The following IL1RAPL1 variants were observed in gnomAD, a reference collection of about 807,000 sequenced individuals.
IL1RAPL1 encodes the protein interleukin-1 receptor accessory protein-like 1.
Under a neutral mutation model 48.4 loss-of-function variants are expected in IL1RAPL1, and 3 were observed. The ratio of observed to expected loss-of-function variants is 0.06; its 90% CI spans 0.03 to 0.16. The LOEUF is 0.16. Among genes scored for constraint, IL1RAPL1 ranks in the 10% least tolerant of loss-of-function variants. IL1RAPL1 has a pLI of 1.00. For missense variants in IL1RAPL1, 349 were observed against 530.6 expected (o/e 0.66, Z 3.36); for synonymous variants, 185 against 187.7 (o/e 0.99, Z 0.12).
chrX:29,432,799 A>C (rs764685035), intron 5 of IL1RAPL1, among the ~76,000 whole-genome samples: 11 of 111,713 alleles, frequency 9.8e-5, no homozygotes, highest in Non-Finnish European at 1.7e-4. Context: ...TTCTACTTTT[A>C]TCATTCATGA....
At chrX:29,662,291 A>G (rs1218679244) in intron 5 of IL1RAPL1, among the ~76,000 whole-genome samples, 2 of 111,601 alleles carry the variant, frequency 1.8e-5, no homozygotes, top group African/African-American at 6.5e-5. Context: ...AGGTTTTGCT[A>G]TGACTCACTT....
At chrX:28,672,750 TA>T (rs1490210195) in intron 1 of IL1RAPL1, among the ~76,000 whole-genome samples, 13 of 111,376 alleles carry the variant, frequency 1.2e-4, no homozygotes, top group Non-Finnish European at 2.1e-4. Flanking sequence ...TTCAATCCTT[TA>T]AAAAAAATAT....
intron 5 of IL1RAPL1, among the ~76,000 whole-genome samples, chrX:29,664,248 C>CA (rs1337199716): frequency 1.8e-5 from 2 of 110,171 alleles, no homozygotes; most frequent in Admixed American, 1.9e-4. Flanking sequence ...ACTAAAAATA[C>CA]AAAAAATTAG....
At chrX:28,888,103 T>C (rs1255270402) in intron 2 of IL1RAPL1, among the ~76,000 whole-genome samples, 1 of 109,822 alleles carries the variant, frequency 9.1e-6, no homozygotes, top group Non-Finnish European at 1.9e-5. Flanking sequence ...AACCTAAGAG[T>C]ATCAGTACTG....
intron 5 of IL1RAPL1, among the ~76,000 whole-genome samples, chrX:29,542,723 T>C (rs1232930003): frequency 8.9e-6 from 1 of 112,185 alleles, no homozygotes; most frequent in Non-Finnish European, 1.9e-5. Flanking sequence ...ATAAACAGTG[T>C]TGAGCATATT....
At chrX:29,154,258 G>A (rs1929522795) in intron 2 of IL1RAPL1, among the ~76,000 whole-genome samples, 1 of 111,367 alleles carries the variant, frequency 9.0e-6, no homozygotes, top group African/African-American at 3.3e-5. Flanking sequence ...ATATTTTGTG[G>A]GCCAGGTGCG....
At chrX:29,009,338 A>G (rs1164497322) in intron 2 of IL1RAPL1, among the ~76,000 whole-genome samples, 1 of 111,907 alleles carries the variant, frequency 8.9e-6, no homozygotes, top group Admixed American at 9.4e-5. Context: ...CATGTACCCC[A>G]TGAACCAAAA....
chrX:28,892,010 A>G lies in IL1RAPL1; in HGVS notation c.82+102585A>G, dbSNP rs963240140. 3.0e-4 allele frequency among the ~76,000 whole-genome samples: 33 copies of G among 111,836 alleles called. 1 individual carries two copies. The highest frequency in any genetic ancestry group is 1.0e-3 in the African/African-American group (32 of 30,758). On this transcript the variant is annotated intron_variant, in intron 2 of 10. Transcript: ENST00000378993. Reference sequence around the variant, plus strand: ...TTTCATATACCTATTGGATATTCATATATCTTCTGTGGAGATATAAATCTT... The same window carrying G: ...TTTCATATACCTATTGGATATTCATGTATCTTCTGTGGAGATATAAATCTT...
intron 5 of IL1RAPL1, among the ~76,000 whole-genome samples, chrX:29,642,162 C>T (rs1396576578): frequency 8.9e-6 from 1 of 112,644 alleles, no homozygotes; most frequent in Non-Finnish European, 1.9e-5. Flanking sequence ...GTTTGCAACT[C>T]ATCTTCTGTG....
At chrX:29,168,909 A>ATGTATATTCATATGTACAATTGTATG (rs570431542) in intron 2 of IL1RAPL1, among the ~76,000 whole-genome samples, 2 of 83,866 alleles carry the variant, frequency 2.4e-5, no homozygotes, top group African/African-American at 7.9e-5. Context: ...ACAATTGTAT[A>ATGTATATTCATATGTACAATTGTATG]TATATTCATA....
At chrX:29,717,372 G>A (rs772879264) in intron 6 of IL1RAPL1, among the ~76,000 whole-genome samples, 86 of 111,937 alleles carry the variant, frequency 7.7e-4, no homozygotes, top group African/African-American at 2.7e-3. Context: ...TCTGAAATGC[G>A]TGTTTTAAAT....
At chrX:29,057,158 T>G (rs1346930059) in intron 2 of IL1RAPL1, among the ~76,000 whole-genome samples, 1 of 112,090 alleles carries the variant, frequency 8.9e-6, no homozygotes, top group African/African-American at 3.2e-5. Context: ...AAGATCTGTT[T>G]AGTATCCAAT....
At chrX:29,300,107 C>G (rs192408126) in intron 3 of IL1RAPL1, among the ~76,000 whole-genome samples, 3 of 111,932 alleles carry the variant, frequency 2.7e-5, no homozygotes, top group Non-Finnish European at 5.6e-5. Flanking sequence ...TTTCGTACAG[C>G]CTTCAAAACT....
intron 9 of IL1RAPL1, among the ~76,000 whole-genome samples, chrX:29,948,535 T>G (rs1367262625): frequency 4.5e-5 from 5 of 111,708 alleles, no homozygotes; most frequent in Non-Finnish European, 3.8e-5. Flanking sequence ...TGAAAAATCA[T>G]ATCTTGAAAA....
At chrX:28,911,128 A>G (rs1380676524) in intron 2 of IL1RAPL1, among the ~76,000 whole-genome samples, 1 of 111,899 alleles carries the variant, frequency 8.9e-6, no homozygotes, top group Non-Finnish European at 1.9e-5. Flanking sequence ...ATTAGCAGAA[A>G]AATCTCATGA....
At chrX:29,111,674 TTTC>T (rs1928569880) in intron 2 of IL1RAPL1, among the ~76,000 whole-genome samples, 1 of 111,501 alleles carries the variant, frequency 9.0e-6, no homozygotes, top group Non-Finnish European at 1.9e-5. Flanking sequence ...GCCATATTAT[TTTC>T]CAAAATGATT....
intron 2 of IL1RAPL1, among the ~76,000 whole-genome samples, chrX:29,103,642 G>T (rs1486069415): frequency 9.0e-6 from 1 of 111,167 alleles, no homozygotes; most frequent in African/African-American, 3.3e-5. Context: ...AAGTTAAAAA[G>T]CTTCTGCACA....
chrX:29,719,521 G>A (rs1346198720), intron 6 of IL1RAPL1, among the ~76,000 whole-genome samples: 1 of 110,058 alleles, frequency 9.1e-6, no homozygotes, highest in Non-Finnish European at 1.9e-5. Context: ...AGAGTTGTGG[G>A]GTTTTTTAAA....
At chrX:29,474,791 G>T (rs1037423633) in intron 5 of IL1RAPL1, among the ~76,000 whole-genome samples, 2 of 111,481 alleles carry the variant, frequency 1.8e-5, no homozygotes, top group Non-Finnish European at 3.8e-5. Context: ...TCATCTTTCA[G>T]CAGGCCCCAC....
Sources: gnomAD v4.1 joint callset for allele counts (sites outside exome capture counted in the v4.1 genomes callset) on GRCh38, gnomAD v4.1.1 for gene constraint, MANE v1.5 for transcripts, NCBI Gene and HGNC (gene_info 2026-07-23, HGNC 2026-07-21) for gene names.